The following ABCC4 variants were observed in gnomAD, a reference collection of about 807,000 sequenced individuals.
ABCC4 encodes ATP binding cassette subfamily C member 4 (PEL blood group).
A neutral mutation model predicts 168.5 loss-of-function variants in ABCC4; 102 were observed. That is an observed-to-expected ratio of 0.61 (90% CI 0.52 to 0.71). ABCC4 has a LOEUF of 0.71. ABCC4 is among the 30% of genes least tolerant of loss of function. The pLI is 0.00. For missense variants in ABCC4, 1,402 were observed against 1,605.8 expected, an observed-to-expected ratio of 0.87 and a Z score of 2.17; for synonymous variants, 617 against 590.7, an observed-to-expected ratio of 1.04 and a Z score of -0.65.
intron 9 of ABCC4, among the ~76,000 whole-genome samples, chr13:95,191,751 C>T (rs921579322): frequency 3.9e-5 from 6 of 152,220 alleles, no homozygotes; most frequent in African/African-American, 1.4e-4. Context: ...TGTCCCTTTC[C>T]CCTCCTTTGC....
At chr13:95,121,551 G>T (rs1255386510) in intron 19 of ABCC4, among the ~76,000 whole-genome samples, 1 of 151,098 alleles carries the variant, frequency 6.6e-6, no homozygotes, top group Non-Finnish European at 1.5e-5. Context: ...TGGGACCTCT[G>T]GTGCACCACC....
chr13:95,208,193 G>C (rs773894629), intron 6 of ABCC4, among the ~76,000 whole-genome samples: 21 of 152,112 alleles, frequency 1.4e-4, no homozygotes, highest in Non-Finnish European at 2.4e-4. Flanking sequence ...TCCCCTCGAG[G>C]AGCTCACAGG....
chr13:95,209,744 C>G (rs2038899948), intron 5 of ABCC4, 147 bp from the exon 6 acceptor site: 3 of 708,962 alleles, frequency 4.2e-6, no homozygotes, highest in Non-Finnish European at 6.5e-6. Flanking sequence ...AAGCAGAAAG[C>G]CAAGCACCCA....
At chr13:95,255,181 G>C (rs571380630) in intron 1 of ABCC4, among the ~76,000 whole-genome samples, 4 of 152,228 alleles carry the variant, frequency 2.6e-5, no homozygotes, top group Admixed American at 2.0e-4. Context: ...GTGACTGAGT[G>C]CTGGGGAGGA....
chr13:95,143,283 T>C (rs1409747779), intron 19 of ABCC4, among the ~76,000 whole-genome samples: 2 of 152,184 alleles, frequency 1.3e-5, no homozygotes, highest in African/African-American at 4.8e-5. Context: ...GTGGTTCTTC[T>C]AACAGGAACC....
In ABCC4 at chr13:95,150,604, A is replaced by G. The variant is rs2036642708; in HGVS notation, c.2455+10585T>C. On this transcript the variant is annotated intron_variant, in intron 19 of 30. Transcript: ENST00000645237. ...CGAGGAAGAAATTTCTCAAACATTA[A>G]TCCTGGTGACCAAGAATGAGAACAC... Among the ~76,000 whole-genome samples, 6 of 152,316 alleles carry G rather than the reference A, an allele frequency of 3.9e-5. No individual in the cohort carries two copies. In the South Asian group the frequency reaches 1.2e-3, roughly 32 times the overall value.
At chr13:95,210,405 C>A in intron 5 of ABCC4, among the ~76,000 whole-genome samples, 1 of 152,190 alleles carries the variant, frequency 6.6e-6, no homozygotes, top group Non-Finnish European at 1.5e-5. Flanking sequence ...AGATGTGCCA[C>A]CCTTGAATTT....
chr13:95,192,010 G>C (rs1305166599), intron 9 of ABCC4, among the ~76,000 whole-genome samples: 1 of 152,204 alleles, frequency 6.6e-6, no homozygotes, highest in Admixed American at 6.5e-5. Context: ...GACACACTAA[G>C]GCAGGCAGAC....
At chr13:95,239,225 T>C (rs1192604363) in intron 3 of ABCC4, among the ~76,000 whole-genome samples, 1 of 151,984 alleles carries the variant, frequency 6.6e-6, no homozygotes, top group Non-Finnish European at 1.5e-5. Flanking sequence ...GTGTTGATAC[T>C]GTAAGATAAA....
At chr13:95,096,906 T>C (rs1256584656) in intron 20 of ABCC4, among the ~76,000 whole-genome samples, 2 of 152,114 alleles carry the variant, frequency 1.3e-5, no homozygotes, top group African/African-American at 4.8e-5. Context: ...TAAAACACAA[T>C]TTTCTATAAT....
chr13:95,114,307 A>T (rs1056064290), intron 20 of ABCC4, among the ~76,000 whole-genome samples: 1 of 152,238 alleles, frequency 6.6e-6, no homozygotes, highest in Admixed American at 6.5e-5. Context: ...GACAAAGCAC[A>T]TAAGGGATAC....
intron 19 of ABCC4, among the ~76,000 whole-genome samples, chr13:95,156,413 G>C (rs769651039): frequency 6.6e-6 from 1 of 152,124 alleles, no homozygotes; most frequent in Non-Finnish European, 1.5e-5. Context: ...TCTTGTGCTG[G>C]ATATCAAAAG....
At chr13:95,241,117 C>A (rs189941632) in intron 3 of ABCC4, among the ~76,000 whole-genome samples, 103 of 152,232 alleles carry the variant, frequency 6.8e-4, no homozygotes, top group Non-Finnish European at 9.6e-4. Flanking sequence ...GTAATCCCAG[C>A]ACTCTGGGAG....
chr13:95,251,547 T>C (rs1339262985), intron 1 of ABCC4, among the ~76,000 whole-genome samples: 1 of 152,190 alleles, frequency 6.6e-6, no homozygotes. Flanking sequence ...AGAAGAAAAG[T>C]TTCCCCCAAC....
intron 29 of ABCC4, among the ~76,000 whole-genome samples, chr13:95,042,259 T>C (rs1172820138): frequency 6.6e-6 from 1 of 152,226 alleles, no homozygotes; most frequent in African/African-American, 2.4e-5. Flanking sequence ...TGACTACCCC[T>C]GTCTTCCCTC....
intron 4 of ABCC4, among the ~76,000 whole-genome samples, chr13:95,219,023 A>G (rs1254320792): frequency 1.3e-5 from 2 of 151,650 alleles, no homozygotes; most frequent in Admixed American, 6.6e-5. Context: ...GAAAGGAAGG[A>G]AGGAAAAGAA....
At chr13:95,248,478 T>G (rs1594376545) in intron 1 of ABCC4, among the ~76,000 whole-genome samples, 1 of 151,376 alleles carries the variant, frequency 6.6e-6, no homozygotes, top group East Asian at 1.9e-4. Context: ...AGAAAGAACT[T>G]ATTCAAATAT....
At chr13:95,168,299 ACC>A in intron 14 of ABCC4, among the ~76,000 whole-genome samples, 1 of 152,216 alleles carries the variant, frequency 6.6e-6, no homozygotes, top group Non-Finnish European at 1.5e-5. Context: ...AGTTTGAGGA[ACC>A]CAGGCTCCCT....
intron 26 of ABCC4, among the ~76,000 whole-genome samples, chr13:95,054,370 T>C (rs1479104778): frequency 2.0e-5 from 3 of 151,816 alleles, no homozygotes; most frequent in Admixed American, 6.6e-5. Flanking sequence ...AACATAAGCT[T>C]AGGTAGGCTG....
Sources: gnomAD v4.1 joint callset for allele counts (sites outside exome capture counted in the v4.1 genomes callset) on GRCh38, gnomAD v4.1.1 for gene constraint, MANE v1.5 for transcripts, NCBI Gene and HGNC (gene_info 2026-07-23, HGNC 2026-07-21) for gene names.